PHF14: variants seen among roughly 807,000 people sequenced by gnomAD.
PHF14 encodes PHD finger protein 14.
Under a neutral mutation model 117.9 loss-of-function variants are expected in PHF14, and 55 were observed. The ratio of observed to expected loss-of-function variants is 0.47; its 90% CI spans 0.38 to 0.58. The LOEUF is 0.58. Ranked by LOEUF, PHF14 falls within the 20% of genes least tolerant of loss-of-function variation. The pLI, the probability that PHF14 is intolerant of heterozygous loss-of-function variation, is 0.00. For synonymous variants in PHF14, 409 were observed against 368.6 expected (o/e 1.11, Z -1.26); for missense variants, 978 against 1,122.2 (o/e 0.87, Z 1.84).
At chr7:11,132,145 A>G (rs747411936) in intron 17 of PHF14, among the ~76,000 whole-genome samples, 3 of 151,816 alleles carry the variant, frequency 2.0e-5, no homozygotes, top group Non-Finnish European at 2.9e-5. Flanking sequence ...CATGAATTCC[A>G]AATACAGTAC....
intron 17 of PHF14, among the ~76,000 whole-genome samples, chr7:11,122,415 A>G (rs1271499093): frequency 4.0e-5 from 5 of 124,166 alleles, no homozygotes; most frequent in African/African-American, 1.6e-4. Context: ...ATATACACGT[A>G]TATATATATA....
chr7:11,092,596 A>C (rs1786686077), intron 16 of PHF14, among the ~76,000 whole-genome samples: 2 of 152,170 alleles, frequency 1.3e-5, no homozygotes, highest in Non-Finnish European at 2.9e-5. Flanking sequence ...AGTACCTCAG[A>C]GTTTAAGTTT....
chr7:10,988,768 C>T (rs1056870275), intron 3 of PHF14, among the ~76,000 whole-genome samples: 86 of 152,186 alleles, frequency 5.7e-4, no homozygotes, highest in African/African-American at 2.0e-3. Context: ...TATTGAGTGT[C>T]TAGTTTGTGC....
At chr7:11,112,203 G>A (rs1340922399) in intron 17 of PHF14, among the ~76,000 whole-genome samples, 7 of 152,062 alleles carry the variant, frequency 4.6e-5, no homozygotes, top group Admixed American at 1.3e-4. Flanking sequence ...AGATTAATCC[G>A]ATTTTTCTTT....
chr7:11,147,482 C>T (rs1421088711), intron 17 of PHF14, among the ~76,000 whole-genome samples: 1 of 152,144 alleles, frequency 6.6e-6, no homozygotes, highest in East Asian at 1.9e-4. Flanking sequence ...CCCATTACTC[C>T]ACTACAATGA....
At chr7:11,132,184 A>G (rs768957739) in intron 17 of PHF14, among the ~76,000 whole-genome samples, 18 of 151,734 alleles carry the variant, frequency 1.2e-4, no homozygotes, top group South Asian at 6.2e-4. Context: ...CTCATATTGT[A>G]TATTTTATCT....
chr7:11,125,238 G>A (rs1430534694), intron 17 of PHF14, among the ~76,000 whole-genome samples: 3 of 152,006 alleles, frequency 2.0e-5, no homozygotes, highest in Non-Finnish European at 4.4e-5. Context: ...TTTAATGTTT[G>A]TCATGAGTTG....
chr7:11,164,780 T>C (rs1789151816), intron 17 of PHF14, among the ~76,000 whole-genome samples: 1 of 152,248 alleles, frequency 6.6e-6, no homozygotes, highest in South Asian at 2.1e-4. Flanking sequence ...AGGCTGCTAC[T>C]ACTCTAAGAA....
At chr7:11,021,019 G>A (rs1159231490) in intron 5 of PHF14, among the ~76,000 whole-genome samples, 3 of 152,156 alleles carry the variant, frequency 2.0e-5, no homozygotes, top group Non-Finnish European at 4.4e-5. Context: ...TGTTTTACAT[G>A]CTGTAAAGGC....
chr7:11,154,910 T>TA (rs1419572799), intron 17 of PHF14, among the ~76,000 whole-genome samples: 3 of 152,092 alleles, frequency 2.0e-5, no homozygotes, highest in Non-Finnish European at 2.9e-5. Flanking sequence ...ATCAAGAAAT[T>TA]AGAGTGACAT....
Position 11,056,668 on chromosome 7 carries a change from C to T in PHF14, c.2481+4888C>T, listed in dbSNP as rs2128328064. 1.3e-5 allele frequency among the ~76,000 whole-genome samples: 2 copies of T among 151,338 alleles called. 1 individual carries two copies. Among genetic ancestry groups the T allele is most frequent in the South Asian group, 4.2e-4 (2 of 4,806 alleles). ...TATTTCATGAACTTTAACTTGTTTT[C>T]AATGCAGTTTCATAATTGAAAGACA... On this transcript the variant is annotated intron_variant, in intron 14 of 17. Transcript: ENST00000634607.
chr7:11,157,786 AT>A (rs1788910361), intron 17 of PHF14, among the ~76,000 whole-genome samples: 2 of 152,222 alleles, frequency 1.3e-5, no homozygotes, highest in Non-Finnish European at 2.9e-5. Context: ...ATACTCATTT[AT>A]AGTGTGGAGT....
chr7:11,007,909 T>C (rs1189250375), intron 4 of PHF14, among the ~76,000 whole-genome samples: 1 of 152,222 alleles, frequency 6.6e-6, no homozygotes, highest in African/African-American at 2.4e-5. Context: ...TAATTACTTT[T>C]CAGAGTGCTC....
intron 1 of PHF14, 73 bp from the exon 2 acceptor site, chr7:10,974,762 T>C: frequency 1.3e-6 from 1 of 781,234 alleles, no homozygotes. Flanking sequence ...ATCTTTATGT[T>C]CTCTTAGCAC....
intron 17 of PHF14, among the ~76,000 whole-genome samples, chr7:11,127,890 G>T (rs1787971161): frequency 6.6e-6 from 1 of 151,870 alleles, no homozygotes; most frequent in South Asian, 2.1e-4. Context: ...CTTAAATCAT[G>T]ATTTTTTTTT....
At chr7:11,134,939 T>G (rs530430805) in intron 17 of PHF14, among the ~76,000 whole-genome samples, 1 of 152,228 alleles carries the variant, frequency 6.6e-6, no homozygotes, top group African/African-American at 2.4e-5. Flanking sequence ...TATGAATACT[T>G]GCACATAAAC....
chr7:10,979,449 AT>A (rs59992534), intron 2 of PHF14, among the ~76,000 whole-genome samples: 52,469 of 151,400 alleles, frequency 0.35, 10,168 homozygotes, highest in Middle Eastern at 0.48. Flanking sequence ...TTAAAGATAT[AT>A]TTTTTTCAAA....
intron 17 of PHF14, among the ~76,000 whole-genome samples, chr7:11,137,724 TAC>T (rs1210539461): frequency 1.3e-4 from 19 of 151,696 alleles, no homozygotes; most frequent in Admixed American, 2.6e-4. Context: ...TAGGTGGGAT[TAC>T]AGGCACCTGC....
In PHF14 at chr7:11,036,476, C is replaced by T; in HGVS notation, c.1661C>T (p.Thr554Ile). The T allele has an allele frequency of 6.2e-7, 1 of 1,613,652 alleles. No individual in the cohort carries two copies. The highest frequency in any genetic ancestry group is 8.5e-7 in the Non-Finnish European group (1 of 1,179,600). Residue 554 changes from threonine to isoleucine, a missense_variant, in exon 9 of 18, where the codon ACC becomes ATC. Coordinates refer to ENST00000634607, the MANE Select transcript of PHF14 (RefSeq NM_001007157.2). ...GCCAAAGCAGAACTAGCTCGATCTACCAGACCCCAGGCCTGGGTTCCAAGG... is the reference window on the plus strand; with the variant it reads ...GCCAAAGCAGAACTAGCTCGATCTATCAGACCCCAGGCCTGGGTTCCAAGG... ...YRAKAELARS[T>I]RPQAWVPREK...
Sources: gnomAD v4.1 joint callset for allele counts (sites outside exome capture counted in the v4.1 genomes callset) on GRCh38, gnomAD v4.1.1 for gene constraint, MANE v1.5 for transcripts, NCBI Gene and HGNC (gene_info 2026-07-23, HGNC 2026-07-21) for gene names.